GNA14: variants seen among roughly 807,000 people sequenced by gnomAD.
GNA14 encodes G protein subunit alpha 14.
A neutral mutation model predicts 42.0 loss-of-function variants in GNA14; 50 were observed. That is an observed-to-expected ratio of 1.19 (90% CI 0.95 to 1.51). GNA14 has a LOEUF of 1.51. Ranked by LOEUF, GNA14 falls within the 40% of genes most tolerant of loss-of-function variation. The pLI is 0.00. For synonymous variants in GNA14, 173 were observed against 163.1 expected, an observed-to-expected ratio of 1.06 and a Z score of -0.46; for missense variants, 473 against 446.2, an observed-to-expected ratio of 1.06 and a Z score of -0.54.
intron 1 of GNA14, among the ~76,000 whole-genome samples, chr9:77,647,207 G>T (rs1008315339): frequency 2.0e-5 from 3 of 152,216 alleles, no homozygotes; most frequent in African/African-American, 7.2e-5. Flanking sequence ...ATCACCAGGT[G>T]GTGATGCCCT....
intron 2 of GNA14, among the ~76,000 whole-genome samples, chr9:77,507,628 C>T (rs1395247469): frequency 6.6e-6 from 1 of 152,140 alleles, no homozygotes; most frequent in Admixed American, 6.6e-5. Flanking sequence ...ACACACAAAG[C>T]ATTACTCCAA....
intron 1 of GNA14, among the ~76,000 whole-genome samples, chr9:77,620,870 A>G (rs917799750): frequency 6.6e-6 from 1 of 151,800 alleles, no homozygotes; most frequent in Non-Finnish European, 1.5e-5. Context: ...AAAAAAAAAA[A>G]AAATCCCTTT....
chr9:77,588,748 G>C (rs567679043), intron 1 of GNA14, among the ~76,000 whole-genome samples: 11 of 152,290 alleles, frequency 7.2e-5, no homozygotes, highest in African/African-American at 1.9e-4. Context: ...ACCTGAATCT[G>C]AGTCAGAGGT....
intron 2 of GNA14, among the ~76,000 whole-genome samples, chr9:77,480,366 T>C (rs1279378190): frequency 6.6e-6 from 1 of 152,214 alleles, no homozygotes; most frequent in Non-Finnish European, 1.5e-5. Flanking sequence ...TTGATTTGCA[T>C]ATGCTGAACC....
chr9:77,632,452 T>C (rs1587855230), intron 1 of GNA14, among the ~76,000 whole-genome samples: 1 of 152,120 alleles, frequency 6.6e-6, no homozygotes, highest in Non-Finnish European at 1.5e-5. Context: ...CGGTGCACAC[T>C]TCCTCCCCTC....
intron 1 of GNA14, among the ~76,000 whole-genome samples, chr9:77,631,339 G>A (rs1824097075): frequency 6.6e-6 from 1 of 152,058 alleles, no homozygotes; most frequent in Admixed American, 6.6e-5. Context: ...ACAATTAGCA[G>A]CAGCTAAGCT....
Position 77,423,165 on chromosome 9 carries a change from T to C in GNA14, c.*814A>G, listed in dbSNP as rs1167991393. The C allele has an allele frequency of 1.3e-5, 2 of 152,118 alleles. No homozygotes were observed. The highest frequency in any genetic ancestry group is 6.6e-5 in the Admixed American group (1 of 15,260). 9.4% of individuals were successfully genotyped at this position (152,118 alleles called of 1,614,324 possible). A position where few individuals can be genotyped will look rare whatever the true frequency, so the allele number is the denominator to read the frequency against. ...GCAAATCTGTGGTGGCCATCAGAAC[T>C]TTGGCAGGGTTACGTAACATTTGTC... is the stretch of plus-strand genomic sequence containing the variant. On this transcript the variant is annotated 3_prime_UTR_variant, in exon 7 of 7. Transcript: ENST00000341700.
intron 2 of GNA14, among the ~76,000 whole-genome samples, chr9:77,471,415 G>A (rs748914284): frequency 2.0e-5 from 3 of 152,134 alleles, no homozygotes; most frequent in African/African-American, 4.8e-5. Flanking sequence ...GCCCAAGAAT[G>A]CAGGGGCTGG....
At chr9:77,613,415 T>A (rs948561661) in intron 1 of GNA14, among the ~76,000 whole-genome samples, 2 of 152,176 alleles carry the variant, frequency 1.3e-5, no homozygotes, top group African/African-American at 4.8e-5. Flanking sequence ...AAATGACAGT[T>A]AAAGGATACG....
intron 2 of GNA14, among the ~76,000 whole-genome samples, chr9:77,456,136 C>A (rs953351739): frequency 6.6e-6 from 1 of 152,126 alleles, no homozygotes; most frequent in Non-Finnish European, 1.5e-5. Flanking sequence ...AAATAAGATA[C>A]TTTAATACCC....
chr9:77,602,685 T>C (rs1823586245), intron 1 of GNA14, among the ~76,000 whole-genome samples: 1 of 152,206 alleles, frequency 6.6e-6, no homozygotes, highest in Non-Finnish European at 1.5e-5. Context: ...TTCTCATTTA[T>C]TACCTTTGTA....
At chr9:77,616,028 TCA>T (rs1491152417) in intron 1 of GNA14, among the ~76,000 whole-genome samples, 2 of 152,294 alleles carry the variant, frequency 1.3e-5, no homozygotes, top group East Asian at 3.9e-4. Context: ...GTCTGAAATC[TCA>T]GAGTTCTTTG....
At chr9:77,483,401 C>A (rs904485670) in intron 2 of GNA14, among the ~76,000 whole-genome samples, 2 of 152,148 alleles carry the variant, frequency 1.3e-5, no homozygotes, top group Admixed American at 1.3e-4. Flanking sequence ...GGGTGACCTG[C>A]AAATGCTGCT....
chr9:77,490,674 G>A (rs572968027), intron 2 of GNA14, among the ~76,000 whole-genome samples: 16 of 152,306 alleles, frequency 1.1e-4, no homozygotes, highest in South Asian at 4.1e-4. Context: ...CGGCCGCTCC[G>A]AGTGCGGGGC....
chr9:77,586,868 C>A (rs1047572594), intron 1 of GNA14, among the ~76,000 whole-genome samples: 1 of 152,138 alleles, frequency 6.6e-6, no homozygotes. Context: ...ATGTTGAACA[C>A]GCCTGGTCCC....
chr9:77,525,219 C>CAT (rs1461307797), intron 2 of GNA14, among the ~76,000 whole-genome samples: 2 of 152,150 alleles, frequency 1.3e-5, no homozygotes, highest in Admixed American at 6.5e-5. Context: ...CAACAGAGAC[C>CAT]ATATAGCCCA....
intron 1 of GNA14, among the ~76,000 whole-genome samples, chr9:77,595,909 G>C (rs1823459193): frequency 6.6e-6 from 1 of 152,018 alleles, no homozygotes; most frequent in Non-Finnish European, 1.5e-5. Context: ...CAAGATATGA[G>C]TCCTTTGGAA....
intron 2 of GNA14, among the ~76,000 whole-genome samples, chr9:77,513,708 C>T (rs987536245): frequency 1.3e-5 from 2 of 152,196 alleles, no homozygotes; most frequent in Admixed American, 1.3e-4. Context: ...CTGGGTGAGG[C>T]CTGAGTCTTC....
rs144550676 is a variant in GNA14, at chr9:77,475,436, T to C, written c.310-40914A>G. Among the ~76,000 whole-genome samples the C allele has an allele frequency of 1.4e-3, 217 of 152,212 alleles. 2 individuals are homozygous for C. The highest frequency in any genetic ancestry group is 0.012 in the South Asian group (59 of 4,818). On this transcript the variant is annotated intron_variant, in intron 2 of 6. Coordinates refer to ENST00000341700, the MANE Select transcript of GNA14 (RefSeq NM_004297.4). ...CAAAATGACAACACCTGTCCTTGAG[T>C]AGTTATTGTACATTACCTAAAATGT...
Sources: gnomAD v4.1 joint callset for allele counts (sites outside exome capture counted in the v4.1 genomes callset) on GRCh38, gnomAD v4.1.1 for gene constraint, MANE v1.5 for transcripts, NCBI Gene and HGNC (gene_info 2026-07-23, HGNC 2026-07-21) for gene names.